Variants in DLGAP2 observed in about 807,000 individuals in gnomAD.
DLGAP2 encodes disks large-associated protein 2.
A neutral mutation model predicts 100.3 loss-of-function variants in DLGAP2; 26 were observed. The ratio of observed to expected loss-of-function variants is 0.26; its 90% CI spans 0.19 to 0.36. The LOEUF is 0.36. DLGAP2 is among the 10% of genes least tolerant of loss of function. DLGAP2 has a pLI of 1.00. For missense variants in DLGAP2, 1,858 were observed against 1,453.2 expected, an observed-to-expected ratio of 1.28 and a Z score of -4.53; for synonymous variants, 886 against 630.1, an observed-to-expected ratio of 1.41 and a Z score of -6.08.
chr8:1,175,998 C>T (rs116474864), intron 2 of DLGAP2, among the ~76,000 whole-genome samples: 272 of 152,298 alleles, frequency 1.8e-3, no homozygotes, highest in African/African-American at 6.0e-3. Context: ...ATACCATCCG[C>T]CCGATAAATA....
intron 13 of DLGAP2, among the ~76,000 whole-genome samples, chr8:1,695,460 C>T (rs1183444612): frequency 6.7e-5 from 9 of 133,424 alleles, no homozygotes; most frequent in African/African-American, 2.5e-4. Flanking sequence ...GGGGGCACAG[C>T]CATGCCTGGC....
At chr8:1,672,360 C>T (rs1279802896) in intron 10 of DLGAP2, among the ~76,000 whole-genome samples, 1 of 151,946 alleles carries the variant, frequency 6.6e-6, no homozygotes, top group Non-Finnish European at 1.5e-5. Context: ...GCCTCCCGAG[C>T]AGCTGGGATT....
At chr8:1,258,461 G>A (rs576891478) in intron 2 of DLGAP2, among the ~76,000 whole-genome samples, 3 of 152,080 alleles carry the variant, frequency 2.0e-5, no homozygotes, top group South Asian at 4.2e-4. Context: ...GGGAGGGAGA[G>A]CATTAGAACA....
rs750104011 is a variant in DLGAP2 at position 1,548,924 on chromosome 8, C to G, written c.471C>G (p.Ser157=). 1 of 1,598,356 alleles carries G rather than the reference C, an allele frequency of 6.3e-7. No individual in the cohort carries two copies. The highest frequency in any genetic ancestry group is 2.2e-5 in the East Asian group (1 of 44,820). ...CGGTGGTGCTGGGCGACCACGTGTC[C>G]AGCAGCACCTTCCCGCGGATGCACT... The part of the protein sequence containing the change: ...MMPVVLGDHV[S]SSTFPRMHYS... The change falls in exon 5 of 15, where the codon TCC becomes TCG. Residue 157 remains serine, a synonymous_variant. Coordinates refer to ENST00000637795, the MANE Select transcript of DLGAP2 (RefSeq NM_001346810.2).
chr8:960,615 C>T (rs1334408048), intron 2 of DLGAP2, among the ~76,000 whole-genome samples: 1 of 152,120 alleles, frequency 6.6e-6, no homozygotes, highest in Admixed American at 6.6e-5. Context: ...TGTGTTCATA[C>T]AAAGACCGTT....
intron 2 of DLGAP2, among the ~76,000 whole-genome samples, chr8:1,025,955 C>T (rs1012169498): frequency 3.3e-5 from 5 of 152,226 alleles, no homozygotes; most frequent in African/African-American, 7.2e-5. Context: ...GCACCTGGGA[C>T]GCACATCTGG....
At chr8:1,373,426 G>A (rs1490473973) in intron 3 of DLGAP2, among the ~76,000 whole-genome samples, 3 of 152,202 alleles carry the variant, frequency 2.0e-5, no homozygotes, top group African/African-American at 7.2e-5. Flanking sequence ...TGCCCGACAA[G>A]GACGGGGGGC....
intron 3 of DLGAP2, among the ~76,000 whole-genome samples, chr8:1,421,508 A>G (rs1483238337): frequency 4.6e-5 from 7 of 152,362 alleles, no homozygotes; most frequent in Middle Eastern, 3.4e-3. Context: ...CAGCCTTTCT[A>G]TAATACCACA....
chr8:881,993 C>T (rs1359265382), intron 1 of DLGAP2, among the ~76,000 whole-genome samples: 3 of 152,096 alleles, frequency 2.0e-5, no homozygotes, highest in Admixed American at 6.6e-5. Context: ...TGGTATATTC[C>T]ACCTTTCCAG....
intron 4 of DLGAP2, among the ~76,000 whole-genome samples, chr8:1,528,557 C>T (rs560741590): frequency 1.3e-4 from 20 of 152,346 alleles, no homozygotes; most frequent in Admixed American, 5.2e-4. Context: ...GGCTGGCCTG[C>T]GATACCCCAG....
intron 10 of DLGAP2, among the ~76,000 whole-genome samples, chr8:1,675,978 T>C (rs546714418): frequency 1.3e-5 from 2 of 152,232 alleles, no homozygotes; most frequent in African/African-American, 2.4e-5. Context: ...ACATGATTTC[T>C]GTTCTGATCT....
At chr8:1,496,733 C>T (rs1189397924) in intron 3 of DLGAP2, among the ~76,000 whole-genome samples, 2 of 152,166 alleles carry the variant, frequency 1.3e-5, no homozygotes, top group Non-Finnish European at 2.9e-5. Flanking sequence ...AGAAAGTGCG[C>T]CTGTGTTGTG....
At chr8:1,272,061 C>T (rs1799594781) in intron 3 of DLGAP2, among the ~76,000 whole-genome samples, 1 of 152,186 alleles carries the variant, frequency 6.6e-6, no homozygotes, top group South Asian at 2.1e-4. Context: ...GGTGATCCGC[C>T]TGCCTCAGGC....
At chr8:1,530,511 T>C (rs1320886865) in intron 4 of DLGAP2, among the ~76,000 whole-genome samples, 2 of 152,082 alleles carry the variant, frequency 1.3e-5, no homozygotes, top group Non-Finnish European at 2.9e-5. Flanking sequence ...TATTACAGGG[T>C]CCTGAGGCGA....
At chr8:1,455,256 G>A (rs1221127345) in intron 3 of DLGAP2, among the ~76,000 whole-genome samples, 1 of 152,230 alleles carries the variant, frequency 6.6e-6, no homozygotes, top group African/African-American at 2.4e-5. Flanking sequence ...GTGCAGGTGG[G>A]TCCCGCCCAT....
chr8:911,920 C>A (rs917845427), intron 2 of DLGAP2, among the ~76,000 whole-genome samples: 1 of 152,232 alleles, frequency 6.6e-6, no homozygotes, highest in African/African-American at 2.4e-5. Flanking sequence ...GATCTGGCTT[C>A]CTTCCCTTGA....
chr8:797,907 C>T (rs1319177931), intron 1 of DLGAP2, among the ~76,000 whole-genome samples: 2 of 152,224 alleles, frequency 1.3e-5, no homozygotes, highest in East Asian at 1.9e-4. Flanking sequence ...CCTGCCACCA[C>T]ACCTGGCTAA....
intron 2 of DLGAP2, among the ~76,000 whole-genome samples, chr8:1,205,196 T>G (rs934994344): frequency 4.6e-5 from 7 of 152,160 alleles, no homozygotes; most frequent in African/African-American, 1.7e-4. Context: ...CAGTTTTGTT[T>G]TTATTTTTTG....
intron 6 of DLGAP2, among the ~76,000 whole-genome samples, chr8:1,590,097 G>A (rs372511960): frequency 7.2e-5 from 11 of 152,074 alleles, no homozygotes; most frequent in Admixed American, 1.3e-4. Context: ...CTCCACCCTC[G>A]GCCTCTGCCT....
Sources: gnomAD v4.1 joint callset for allele counts (sites outside exome capture counted in the v4.1 genomes callset) on GRCh38, gnomAD v4.1.1 for gene constraint, MANE v1.5 for transcripts, NCBI Gene and HGNC (gene_info 2026-07-23, HGNC 2026-07-21) for gene names.